STPG2: variants seen among roughly 807,000 people sequenced by gnomAD.
The protein encoded by STPG2 is sperm-tail PG-rich repeat-containing protein 2.
Under a neutral mutation model 54.2 loss-of-function variants are expected in STPG2, and 56 were observed. The ratio of observed to expected loss-of-function variants is 1.03; its 90% CI spans 0.83 to 1.29. The LOEUF is 1.29. STPG2 is among the 50% of genes most tolerant of loss of function. The pLI, the probability that STPG2 is intolerant of heterozygous loss-of-function variation, is 0.00. For synonymous variants in STPG2, 200 were observed against 181.8 expected (o/e 1.10, Z -0.81); for missense variants, 596 against 544.9 (o/e 1.09, Z -0.93).
intron 5 of STPG2, among the ~76,000 whole-genome samples, chr4:98,004,536 C>A (rs1025678758): frequency 6.6e-6 from 1 of 152,064 alleles, no homozygotes; most frequent in Non-Finnish European, 1.5e-5. Context: ...TATGGTAGTT[C>A]GATTTTTATA....
At chr4:97,929,768 C>T (rs1405835736) in intron 8 of STPG2, among the ~76,000 whole-genome samples, 1 of 152,092 alleles carries the variant, frequency 6.6e-6, no homozygotes, top group African/African-American at 2.4e-5. Flanking sequence ...ATAGATGCTG[C>T]ATATTAGACC....
intron 5 of STPG2, among the ~76,000 whole-genome samples, chr4:98,009,352 G>C (rs1019504353): frequency 2.3e-5 from 3 of 132,680 alleles, no homozygotes; most frequent in Non-Finnish European, 5.0e-5. Context: ...TAGTTGTTCA[G>C]AAGTGTGTCA....
intron 8 of STPG2, among the ~76,000 whole-genome samples, chr4:97,903,212 T>C (rs1731246888): frequency 1.3e-5 from 2 of 152,264 alleles, no homozygotes; most frequent in Non-Finnish European, 2.9e-5. Context: ...ATCTCAATTA[T>C]TCTAATTACA....
At chr4:97,566,172 T>C (rs1732433317) in intron 10 of STPG2, among the ~76,000 whole-genome samples, 1 of 152,180 alleles carries the variant, frequency 6.6e-6, no homozygotes, top group Non-Finnish European at 1.5e-5. Flanking sequence ...CGCTGCCACC[T>C]TGCAGTTTGA....
At chr4:97,883,172 C>T (rs1231560507) in intron 8 of STPG2, among the ~76,000 whole-genome samples, 1 of 150,702 alleles carries the variant, frequency 6.6e-6, no homozygotes, top group Non-Finnish European at 1.5e-5. Context: ...TATATATATA[C>T]ACATATATAC....
intron 8 of STPG2, among the ~76,000 whole-genome samples, chr4:97,882,365 T>C (rs1039132084): frequency 1.3e-5 from 2 of 152,264 alleles, no homozygotes; most frequent in African/African-American, 4.8e-5. Context: ...CCATGTGATA[T>C]AAAAGACTCA....
intron 9 of STPG2, among the ~76,000 whole-genome samples, chr4:97,825,537 C>A (rs1728225289): frequency 6.6e-6 from 1 of 152,014 alleles, no homozygotes; most frequent in East Asian, 1.9e-4. Context: ...AAAATGGGAC[C>A]CTTAAATTCT....
chr4:97,639,027 T>C (rs1305096727), intron 10 of STPG2, among the ~76,000 whole-genome samples: 1 of 152,022 alleles, frequency 6.6e-6, no homozygotes, highest in Non-Finnish European at 1.5e-5. Context: ...ATCATGCTGC[T>C]ATAAAGACAC....
intron 5 of STPG2, among the ~76,000 whole-genome samples, chr4:98,008,304 TA>T (rs34947608): frequency 0.4 from 59,654 of 149,406 alleles, 11,991 homozygotes; most frequent in Middle Eastern, 0.46. Context: ...ATTCTGAAAT[TA>T]AAAAAAAAAG....
At chr4:97,631,926 G>A (rs546308612) in intron 10 of STPG2, among the ~76,000 whole-genome samples, 1 of 152,072 alleles carries the variant, frequency 6.6e-6, no homozygotes, top group Non-Finnish European at 1.5e-5. Context: ...ATGTTTTAAT[G>A]AAAGACAAAA....
intron 9 of STPG2, among the ~76,000 whole-genome samples, chr4:97,737,897 G>C (rs1037301442): frequency 1.3e-5 from 2 of 152,066 alleles, no homozygotes; most frequent in Non-Finnish European, 2.9e-5. Flanking sequence ...GCAACTCCAA[G>C]ACACAAAATT....
intron 5 of STPG2, among the ~76,000 whole-genome samples, chr4:98,005,063 A>T (rs79628696): frequency 1.3e-5 from 2 of 152,132 alleles, no homozygotes; most frequent in African/African-American, 2.4e-5. Flanking sequence ...CTAAAAAAAA[A>T]TTATTGCCCA....
intron 8 of STPG2, among the ~76,000 whole-genome samples, chr4:97,898,824 C>T (rs1225978470): frequency 6.6e-6 from 1 of 151,512 alleles, no homozygotes; most frequent in African/African-American, 2.4e-5. Context: ...AAATTCGTAT[C>T]TTTTATAATT....
intron 5 of STPG2, among the ~76,000 whole-genome samples, chr4:98,012,659 C>T (rs1735796330): frequency 6.6e-6 from 1 of 152,058 alleles, no homozygotes; most frequent in Admixed American, 6.6e-5. Context: ...TTAAAGAGGT[C>T]CCTCACATCC....
chr4:98,024,155 C>A (rs1222834409), intron 5 of STPG2, among the ~76,000 whole-genome samples: 1 of 152,146 alleles, frequency 6.6e-6, no homozygotes, highest in Non-Finnish European at 1.5e-5. Flanking sequence ...CGGAGCTGTT[C>A]CTATTCAGCC....
intron 9 of STPG2, among the ~76,000 whole-genome samples, chr4:97,781,267 G>C (rs1265481560): frequency 2.0e-5 from 3 of 152,126 alleles, no homozygotes; most frequent in Admixed American, 2.0e-4. Context: ...TGATCCCACA[G>C]AAATACAAAC....
intron 10 of STPG2, among the ~76,000 whole-genome samples, chr4:97,655,030 T>C (rs1251827180): frequency 6.6e-6 from 1 of 152,106 alleles, no homozygotes; most frequent in Admixed American, 6.6e-5. Context: ...CAGAGAAATA[T>C]TAACCCTGGT....
At chr4:97,635,443 A>G (rs1721478565) in intron 10 of STPG2, among the ~76,000 whole-genome samples, 2 of 152,214 alleles carry the variant, frequency 1.3e-5, no homozygotes, top group Admixed American at 6.5e-5. Context: ...TAACGAGCAA[A>G]ATAACCAGCT....
chr4:97,484,068 C>A (rs1730293474), intron 4 of STPG2, among the ~76,000 whole-genome samples: 1 of 151,594 alleles, frequency 6.6e-6, no homozygotes, highest in Non-Finnish European at 1.5e-5. Context: ...TGGGATACAG[C>A]AAAGGTGGTG....
Sources: gnomAD v4.1 joint callset for allele counts (sites outside exome capture counted in the v4.1 genomes callset) on GRCh38, gnomAD v4.1.1 for gene constraint, MANE v1.5 for transcripts, NCBI Gene and HGNC (gene_info 2026-07-23, HGNC 2026-07-21) for gene names.